Variants in L3MBTL3 observed in about 807,000 individuals in gnomAD.
L3MBTL3 encodes L3MBTL histone methyl-lysine binding protein 3.
Under a neutral mutation model 102.3 loss-of-function variants are expected in L3MBTL3, and 27 were observed. The observed-to-expected ratio is 0.26, with a 90% CI of 0.19 to 0.36. L3MBTL3 has a LOEUF of 0.36. L3MBTL3 is among the 10% of genes least tolerant of loss of function. The probability of loss-of-function intolerance (pLI) is 1.00; values close to 1 mark genes in which losing one functional copy is unlikely to be tolerated. For synonymous variants in L3MBTL3, 340 were observed against 320.9 expected, an observed-to-expected ratio of 1.06 and a Z score of -0.64; for missense variants, 798 against 955.3, an observed-to-expected ratio of 0.84 and a Z score of 2.17.
intron 19 of L3MBTL3, among the ~76,000 whole-genome samples, chr6:130,119,003 C>T (rs1212086586): frequency 6.6e-6 from 1 of 152,020 alleles, no homozygotes; most frequent in Non-Finnish European, 1.5e-5. Flanking sequence ...AGTCTTCTAT[C>T]TTTATTTTAA....
chr6:130,122,107 A>G (rs981538977), intron 20 of L3MBTL3, among the ~76,000 whole-genome samples: 6 of 152,206 alleles, frequency 3.9e-5, no homozygotes, highest in African/African-American at 1.4e-4. Flanking sequence ...ATCAAATATA[A>G]CAATAATTAT....
Position 130,086,262 on chromosome 6 carries a change from G to A in L3MBTL3, c.1518+12G>A. 1.3e-6 allele frequency: 2 copies of A among 1,524,896 alleles called. No homozygotes were observed. Among genetic ancestry groups the A allele is most frequent in the Non-Finnish European group, 1.8e-6 (2 of 1,112,692 alleles). The allele number at this position is 1,524,896 out of a possible 1,614,324, so 94.5% of individuals were successfully genotyped here. ...ATCACCGGGTAAAAGTAAGTGTTCT[G>A]TGTGGGGGGTTGGCTTTGTCTTTTG... On this transcript the variant is annotated intron_variant, in intron 16 of 22. Transcript: ENST00000361794.
At position 130,054,207 on chromosome 6, in the gene L3MBTL3, G is replaced by A. The variant is rs1781306318; in HGVS notation, c.583-964G>A. Among the ~76,000 whole-genome samples, 3 of 152,288 alleles carry A rather than the reference G, an allele frequency of 2.0e-5. No individual in the cohort carries two copies. The South Asian group carries it at 6.2e-4, about 32-fold the overall frequency. On this transcript the variant is annotated intron_variant, in intron 7 of 22. Coordinates refer to ENST00000361794, the MANE Select transcript of L3MBTL3 (RefSeq NM_032438.4). ...ACTTGCACAGCATGTTTTGTTCGAGGAAATAAAAGGAAGTCTGGTCACTGG... is the reference window on the plus strand; with the variant it reads ...ACTTGCACAGCATGTTTTGTTCGAGAAAATAAAAGGAAGTCTGGTCACTGG...
Position 130,083,607 on chromosome 6 carries a change from T to TC in L3MBTL3, c.1322-13_1322-12insC, listed in dbSNP as rs1362262389. The TC allele has an allele frequency of 7.5e-7, 1 of 1,324,970 alleles. No homozygotes were observed. Among genetic ancestry groups the TC allele is most frequent in the Non-Finnish European group, 1.0e-6 (1 of 953,186 alleles). The allele number at this position is 1,324,970 out of a possible 1,614,324, so 82.1% of individuals were successfully genotyped here. On this transcript the variant is annotated splice_polypyrimidine_tract_variant and intron_variant, in intron 14 of 22. Coordinates refer to ENST00000361794, the MANE Select transcript of L3MBTL3 (RefSeq NM_032438.4). Reference sequence around the variant, plus strand: ...TGGTTAAACCTCATAGGATTTACATTTTTCTTTCTTAGGTTATCCAAATGT... The same window carrying TC: ...TGGTTAAACCTCATAGGATTTACATTCTTTCTTTCTTAGGTTATCCAAATGT...
At chr6:130,109,991 G>A (rs183001503) in intron 19 of L3MBTL3, among the ~76,000 whole-genome samples, 480 of 152,180 alleles carry the variant, frequency 3.2e-3, no homozygotes, top group Non-Finnish European at 3.6e-3. Context: ...TAGGTTTGTC[G>A]AAGATTAGAT....
intron 2 of L3MBTL3, among the ~76,000 whole-genome samples, chr6:130,026,638 T>A (rs1166885881): frequency 6.6e-6 from 1 of 152,046 alleles, no homozygotes; most frequent in Admixed American, 6.6e-5. Context: ...TGAATTATTC[T>A]GAAAAGAACA....
At chr6:130,033,852 T>G (rs1281444559) in intron 2 of L3MBTL3, among the ~76,000 whole-genome samples, 1 of 152,262 alleles carries the variant, frequency 6.6e-6, no homozygotes, top group Non-Finnish European at 1.5e-5. Flanking sequence ...GAATGTTAAC[T>G]AGCCATTCTT....
intron 7 of L3MBTL3, 55 bp from the exon 8 acceptor site, chr6:130,055,116 T>G (rs1374540809): frequency 6.9e-6 from 9 of 1,306,726 alleles, no homozygotes; most frequent in Admixed American, 6.7e-5. Flanking sequence ...CTCTAACTAT[T>G]CACTGGTGCC....
At chr6:130,027,792 AT>A (rs1255797151) in intron 2 of L3MBTL3, among the ~76,000 whole-genome samples, 3 of 152,212 alleles carry the variant, frequency 2.0e-5, no homozygotes, top group African/African-American at 4.8e-5. Context: ...TTCTTTTAAA[AT>A]TTTAGTTCAT....
intron 20 of L3MBTL3, among the ~76,000 whole-genome samples, chr6:130,124,703 G>T (rs988733004): frequency 6.6e-6 from 1 of 152,200 alleles, no homozygotes; most frequent in Non-Finnish European, 1.5e-5. Flanking sequence ...AGGTGTGGTG[G>T]CTCACGCCTA....
intron 19 of L3MBTL3, among the ~76,000 whole-genome samples, chr6:130,112,714 C>T (rs528617662): frequency 5.2e-5 from 7 of 134,378 alleles, no homozygotes; most frequent in South Asian, 2.2e-4. Flanking sequence ...CATATTAAGA[C>T]GGTCCCACCC....
chr6:130,058,157 A>G (rs1195024681), intron 9 of L3MBTL3, among the ~76,000 whole-genome samples: 4 of 44,382 alleles, frequency 9.0e-5, no homozygotes, highest in African/African-American at 1.4e-4. Context: ...CTCAAAAAAA[A>G]AAAAAAAAAA....
chr6:130,041,592 A>G (rs1700595536), intron 2 of L3MBTL3, among the ~76,000 whole-genome samples: 1 of 152,092 alleles, frequency 6.6e-6, no homozygotes, highest in African/African-American at 2.4e-5. Flanking sequence ...GAACTTGTGG[A>G]TTTCAGTTTA....
At chr6:130,052,733 C>T in intron 6 of L3MBTL3, 126 bp from the exon 7 acceptor site, 1 of 1,147,636 alleles carries the variant, frequency 8.7e-7, no homozygotes, top group South Asian at 1.8e-5. Flanking sequence ...CAGATTTCTC[C>T]TGGTAGTTAA....
intron 1 of L3MBTL3, among the ~76,000 whole-genome samples, chr6:130,020,027 G>C: frequency 7.0e-6 from 1 of 143,010 alleles, no homozygotes; most frequent in South Asian, 2.1e-4. Context: ...CGGCGGGCTT[G>C]TGGGGGGAGG....
At position 130,055,247 on chromosome 6, in the gene L3MBTL3, TAAA is replaced by T. The variant is rs370099384; in HGVS notation, c.660_662del (p.Lys221del). The T allele has an allele frequency of 6.2e-7, 1 of 1,611,714 alleles. No individual in the cohort carries two copies. Among genetic ancestry groups the T allele is most frequent in the African/African-American group, 1.3e-5 (1 of 74,940 alleles). ...AAAAGACGAGGGGATTCGGCTGTAC[TAAA>T]GCAGGGTGAGCTGATGAAAATAAAG... is the stretch of plus-strand genomic sequence containing the variant. On this transcript the variant is annotated inframe_deletion, in exon 8 of 23. Coordinates refer to ENST00000361794, the MANE Select transcript of L3MBTL3 (RefSeq NM_032438.4).
chr6:130,066,690 T>C (rs1255776453), intron 11 of L3MBTL3, among the ~76,000 whole-genome samples: 3 of 152,226 alleles, frequency 2.0e-5, no homozygotes, highest in African/African-American at 7.2e-5. Context: ...TATGTTCATA[T>C]GCTTATTTTC....
chr6:130,079,094 G>C (rs1157479722), intron 14 of L3MBTL3, among the ~76,000 whole-genome samples: 42 of 152,278 alleles, frequency 2.8e-4, no homozygotes, highest in African/African-American at 9.6e-4. Flanking sequence ...CAGAAAAATG[G>C]ATAAGAGGGA....
At chr6:130,055,101 T>C (rs1781378638) in intron 7 of L3MBTL3, 70 bp from the exon 8 acceptor site, 1 of 1,102,980 alleles carries the variant, frequency 9.1e-7, no homozygotes, top group East Asian at 2.4e-5. Context: ...TGCTTTCTGA[T>C]AGCTCTCTAA....
Sources: gnomAD v4.1 joint callset for allele counts (sites outside exome capture counted in the v4.1 genomes callset) on GRCh38, gnomAD v4.1.1 for gene constraint, MANE v1.5 for transcripts, NCBI Gene and HGNC (gene_info 2026-07-23, HGNC 2026-07-21) for gene names.